BPTF: variants seen among roughly 807,000 people sequenced by gnomAD.
BPTF encodes nucleosome-remodeling factor subunit BPTF.
In BPTF, 18 loss-of-function variants were observed where a neutral mutation model predicts 292.5. The observed-to-expected ratio is 0.06, with a 90% confidence interval of 0.04 to 0.09. The LOEUF (loss-of-function observed/expected upper bound fraction) is 0.09. Among genes scored for constraint, BPTF ranks in the 10% least tolerant of loss-of-function variants. The probability of loss-of-function intolerance (pLI) is 1.00; values close to 1 mark genes in which losing one functional copy is unlikely to be tolerated. For missense variants in BPTF, 2,726 were observed against 3,498.7 expected, an observed-to-expected ratio of 0.78 and a Z score of 5.57; for synonymous variants, 1,225 against 1,251.9, an observed-to-expected ratio of 0.98 and a Z score of 0.45.
chr17:67,969,818 C>G (rs1239251817), intron 26 of BPTF, among the ~76,000 whole-genome samples: 3 of 151,688 alleles, frequency 2.0e-5, no homozygotes, highest in African/African-American at 7.3e-5. Context: ...AAAAAATGCT[C>G]AGGAGGCTGA....
At chr17:67,931,854 AT>A in intron 17 of BPTF, 56 bp from the exon 18 acceptor site, 1 of 1,335,034 alleles carries the variant, frequency 7.5e-7, no homozygotes. Context: ...TTCTAAGTCC[AT>A]TATACTTTAA....
intron 3 of BPTF, among the ~76,000 whole-genome samples, chr17:67,873,837 C>G (rs2059898601): frequency 6.6e-6 from 1 of 152,166 alleles, no homozygotes; most frequent in Non-Finnish European, 1.5e-5. Flanking sequence ...AACAAACACA[C>G]CAACCACTTA....
chr17:67,885,296 A>G (rs930363302), intron 4 of BPTF, among the ~76,000 whole-genome samples: 4 of 152,190 alleles, frequency 2.6e-5, no homozygotes, highest in African/African-American at 7.2e-5. Context: ...GAAGTTAGCA[A>G]TCACAGCTGG....
chr17:67,863,968 G>A (rs1386963222), intron 2 of BPTF, among the ~76,000 whole-genome samples: 2 of 152,122 alleles, frequency 1.3e-5, no homozygotes, highest in Admixed American at 6.5e-5. Context: ...TTTCTTGCCA[G>A]TCTGTCTTCT....
chr17:67,826,452 C>T (rs1466784540), intron 1 of BPTF, 115 bp downstream of exon 1: 3 of 1,160,948 alleles, frequency 2.6e-6, no homozygotes, highest in Middle Eastern at 3.2e-4. Context: ...CGCCTCCCCC[C>T]CAAACAGAGG....
chr17:67,884,613 A>G (rs868615112), intron 4 of BPTF, among the ~76,000 whole-genome samples: 21 of 151,768 alleles, frequency 1.4e-4, no homozygotes, highest in Admixed American at 3.9e-4. Flanking sequence ...ATGGAGTTTC[A>G]CCGTGTTGCC....
intron 20 of BPTF, 147 bp downstream of exon 20, chr17:67,944,519 C>T (rs1568137170): frequency 3.6e-6 from 3 of 841,872 alleles, no homozygotes; most frequent in East Asian, 2.7e-5. Flanking sequence ...AGCCTCACAA[C>T]GTCTCGAAGC....
At position 67,946,017 on chromosome 17, in the gene BPTF, C is replaced by G; in HGVS notation, c.7309C>G (p.Gln2437Glu). The change falls in exon 21 of 28, where the codon CAG becomes GAG. Residue 2437 changes from glutamine (Q) to glutamate (E), a missense_variant. By Grantham distance (29) the Gln-to-Glu change is conservative. Around this residue, in one of 22 missense-constraint regions of BPTF, gnomAD observed 570 missense variants for 633.5 expected, o/e 0.90. Transcript: ENST00000306378. Reference sequence around the variant, plus strand: ...ACAGCCCCAAGTCATTGCTGTGCCTCAGCTGCAACAACAAGTCCAGGTTCT... The same window carrying G: ...ACAGCCCCAAGTCATTGCTGTGCCTGAGCTGCAACAACAAGTCCAGGTTCT... ...QPQPQVIAVP[Q>E]LQQQVQVLSQ... 1 of 1,614,226 alleles carries G rather than the reference C, an allele frequency of 6.2e-7. No individual in the cohort carries two copies. The highest frequency in any genetic ancestry group is 1.1e-5 in the South Asian group (1 of 91,080).
intron 11 of BPTF, among the ~76,000 whole-genome samples, chr17:67,915,375 C>CG (rs2062916384): frequency 6.6e-6 from 1 of 152,156 alleles, no homozygotes. Context: ...CAGCAAGGAG[C>CG]GGGGAAAGCA....
chr17:67,826,605 C>G (rs986886792), intron 1 of BPTF, among the ~76,000 whole-genome samples: 3 of 141,980 alleles, frequency 2.1e-5, no homozygotes, highest in African/African-American at 5.1e-5. Context: ...CCTTTTTTTC[C>G]TCTTCAAAAT....
chr17:67,944,100 A>G (rs782676721), intron 19 of BPTF, 50 bp from the exon 20 acceptor site: 3 of 1,344,694 alleles, frequency 2.2e-6, no homozygotes, highest in South Asian at 1.2e-5. Flanking sequence ...AATGATATAC[A>G]TACAGATTGA....
intron 9 of BPTF, among the ~76,000 whole-genome samples, chr17:67,906,417 T>C (rs1233033954): frequency 6.6e-6 from 1 of 152,174 alleles, no homozygotes; most frequent in African/African-American, 2.4e-5. Context: ...AACTGGCTAA[T>C]GAGCTTTAGT....
chr17:67,949,089 G>T (rs1464957374), intron 23 of BPTF, among the ~76,000 whole-genome samples: 1 of 152,202 alleles, frequency 6.6e-6, no homozygotes, highest in Non-Finnish European at 1.5e-5. Flanking sequence ...AAGTAGGCTG[G>T]CTGTGGTGGT....
chr17:67,970,238 A>T (rs1242406342), intron 26 of BPTF, among the ~76,000 whole-genome samples: 1 of 148,224 alleles, frequency 6.7e-6, no homozygotes, highest in Non-Finnish European at 1.5e-5. Context: ...CTCCATCTCA[A>T]AAAAAAAAAA....
intron 27 of BPTF, chr17:67,981,814 CTTTTG>C (rs1472694432): frequency 2.3e-6 from 2 of 854,482 alleles, no homozygotes; most frequent in Non-Finnish European, 2.8e-6. Context: ...ATTGCTTTTT[CTTTTG>C]TTTTAGCGTA....
intron 3 of BPTF, 76 bp from the exon 4 acceptor site, chr17:67,874,741 C>T (rs1396132805): frequency 1.1e-5 from 10 of 949,018 alleles, no homozygotes; most frequent in Admixed American, 7.1e-5. Context: ...TATTGAAACT[C>T]GTAAGTGACA....
In BPTF at chr17:67,982,447, A is replaced by G. The variant is rs1473346359; in HGVS notation, c.*159A>G. 2.8e-5 allele frequency: 15 copies of G among 528,026 alleles called. No homozygotes were observed. The highest frequency in any genetic ancestry group is 1.8e-4 in the African/African-American group (9 of 50,890). The allele number at this position is 528,026 out of a possible 1,614,324, so 32.7% of individuals were successfully genotyped here. A position where few individuals can be genotyped will look rare whatever the true frequency, so the allele number is the denominator to read the frequency against. On this transcript the variant is annotated 3_prime_UTR_variant, in exon 28 of 28. Transcript: ENST00000306378. The stretch of plus-strand genomic sequence containing the variant: ...AACAGTCCAATTATATTCTTGGCCA[A>G]TTTTGTCCAACGGACAAGAAAAAAG...
At chr17:67,958,475 C>G (rs1555681971) in intron 23 of BPTF, among the ~76,000 whole-genome samples, 1 of 152,132 alleles carries the variant, frequency 6.6e-6, no homozygotes, top group East Asian at 1.9e-4. Flanking sequence ...CACCTGTAAT[C>G]CCAGGACTTT....
chr17:67,917,137 T>C (rs867478777), intron 11 of BPTF, among the ~76,000 whole-genome samples: 7 of 126,688 alleles, frequency 5.5e-5, no homozygotes, highest in African/African-American at 2.2e-4. Flanking sequence ...TGTCCTTTTT[T>C]TTTTTTTTTT....
Sources: allele counts gnomAD v4.1 joint callset (sites outside exome capture counted in the v4.1 genomes callset), GRCh38; gene constraint gnomAD v4.1.1; regional missense constraint gnomAD v4.1.1; transcripts MANE v1.5; gene names NCBI Gene and HGNC (gene_info 2026-07-23, HGNC 2026-07-21).